Variants in DST observed in about 807,000 individuals in gnomAD.
DST encodes bullous pemphigoid antigen.
A neutral mutation model predicts 875.2 loss-of-function variants in DST; 253 were observed. The observed-to-expected ratio is 0.29, with a 90% CI of 0.26 to 0.32. The LOEUF is 0.32. Among genes scored for constraint, DST ranks in the 10% least tolerant of loss-of-function variants. DST has a pLI of 1.00. For missense variants in DST, 8,287 were observed against 9,111.6 expected, an observed-to-expected ratio of 0.91 and a Z score of 3.68; for synonymous variants, 3,124 against 3,197.1, an observed-to-expected ratio of 0.98 and a Z score of 0.77.
In DST at chr6:56,730,861, A is replaced by G. The variant is rs2099494701; in HGVS notation, c.687+4367T>C. 2.0e-5 allele frequency among the ~76,000 whole-genome samples: 3 copies of G among 152,342 alleles called. No individual in the cohort carries two copies. In the South Asian group the frequency reaches 6.2e-4, roughly 32 times the overall value. On this transcript the variant is annotated intron_variant, in intron 5 of 103. Transcript: ENST00000680361. ...AACAATCAGTTTCAAGGGCAGGCTT[A>G]GTCATACAACTGAACTACCGGAACA... is the stretch of plus-strand genomic sequence containing the variant.
intron 2 of DST, among the ~76,000 whole-genome samples, chr6:56,920,560 A>G (rs1803562535): frequency 6.6e-6 from 1 of 152,168 alleles, no homozygotes. Flanking sequence ...AATTTTTTGG[A>G]TCACGGAGTT....
chr6:56,844,497 T>C (rs1253932699), intron 4 of DST, among the ~76,000 whole-genome samples: 1 of 152,216 alleles, frequency 6.6e-6, no homozygotes, highest in Non-Finnish European at 1.5e-5. Context: ...ATTAGATATA[T>C]GTGTATCATA....
chr6:56,589,255 T>C (rs1314587400), intron 49 of DST, among the ~76,000 whole-genome samples: 1 of 152,210 alleles, frequency 6.6e-6, no homozygotes, highest in Non-Finnish European at 1.5e-5. Context: ...AAGAAGCATG[T>C]CTTCTTCACC....
At chr6:56,630,208 T>C in intron 31 of DST, 37 bp downstream of exon 31, 1 of 1,434,748 alleles carries the variant, frequency 7.0e-7, no homozygotes, top group Non-Finnish European at 9.8e-7. Context: ...ACTTGTAGAA[T>C]ACGATATTTA....
At chr6:56,838,301 C>T (rs1341427186) in intron 4 of DST, among the ~76,000 whole-genome samples, 3 of 152,160 alleles carry the variant, frequency 2.0e-5, no homozygotes, top group African/African-American at 7.2e-5. Context: ...GTTATCACCT[C>T]TATAGCTTCA....
At position 56,851,609 on chromosome 6, in the gene DST, A is replaced by G. The variant is rs1417986162; in HGVS notation, c.418-5T>C. The G allele has an allele frequency of 1.9e-6, 3 of 1,613,282 alleles. No individual in the cohort carries two copies. The highest frequency in any genetic ancestry group is 1.7e-6 in the Non-Finnish European group (2 of 1,179,532). On this transcript the variant is annotated splice_polypyrimidine_tract_variant and splice_region_variant and intron_variant, in intron 3 of 103. Transcript: ENST00000680361. ...ATAGGACGCGTTCCCGGAACTCTAC[A>G]GAGAATGACACAGAAAAAGCATTAA...
Position 56,508,464 on chromosome 6 carries a change from A to G in DST, c.19239+65T>C, listed in dbSNP as rs557042915. The G allele has an allele frequency of 6.9e-6, 9 of 1,310,424 alleles. No individual in the cohort carries two copies. In the South Asian group the frequency reaches 8.6e-5, roughly 13 times the overall value. 81.2% of individuals were successfully genotyped at this position (1,310,424 alleles called of 1,614,324 possible). ...ACAGAGTAACTCCTAACATTTACCC[A>G]AGGAATCTGGATTTCATTATGCCAC... On this transcript the variant is annotated intron_variant, in intron 75 of 103. Coordinates refer to ENST00000680361, the MANE Select transcript of DST (RefSeq NM_001374736.1).
At chr6:56,560,864 T>C (rs1156882861) in intron 57 of DST, among the ~76,000 whole-genome samples, 1 of 152,158 alleles carries the variant, frequency 6.6e-6, no homozygotes, top group Non-Finnish European at 1.5e-5. Context: ...TGTAGAAATC[T>C]TGCCATCACT....
chr6:56,712,075 A>G (rs1197281758), intron 5 of DST, among the ~76,000 whole-genome samples: 2 of 141,016 alleles, frequency 1.4e-5, no homozygotes, highest in Non-Finnish European at 3.1e-5. Flanking sequence ...TGGGCGACAG[A>G]GCGAGACTCC....
At chr6:56,845,984 T>C (rs1374419651) in intron 4 of DST, among the ~76,000 whole-genome samples, 2 of 152,250 alleles carry the variant, frequency 1.3e-5, no homozygotes, top group Non-Finnish European at 2.9e-5. Context: ...GCTTGGACTT[T>C]GGAGTAAAGA....
chr6:56,533,362 A>G (rs2096931268), intron 63 of DST, among the ~76,000 whole-genome samples: 2 of 152,000 alleles, frequency 1.3e-5, no homozygotes, highest in Admixed American at 1.3e-4. Flanking sequence ...ATGAAACACT[A>G]TGCTTCACTG....
chr6:56,817,047 T>C (rs1290246143), intron 4 of DST, among the ~76,000 whole-genome samples: 3 of 151,638 alleles, frequency 2.0e-5, no homozygotes, highest in Non-Finnish European at 4.4e-5. Context: ...TCTTGACCCA[T>C]GGAAATAGTG....
chr6:56,639,841 A>G, intron 19 of DST, 68 bp from the exon 20 acceptor site: 1 of 1,581,448 alleles, frequency 6.3e-7, no homozygotes, highest in Non-Finnish European at 8.7e-7. Flanking sequence ...CACTTAATGT[A>G]TCTATTATTG....
chr6:56,692,555 T>A (rs1164782508), intron 9 of DST: 1 of 1,289,758 alleles, frequency 7.8e-7, no homozygotes, highest in Admixed American at 2.3e-5. Flanking sequence ...GGAAACCCAC[T>A]TTTTTCGAGT....
intron 5 of DST, among the ~76,000 whole-genome samples, chr6:56,709,934 G>A (rs1333988931): frequency 5.3e-5 from 8 of 152,144 alleles, no homozygotes; most frequent in Admixed American, 4.6e-4. Context: ...AGGAAGGAAA[G>A]CAGTGGTGAA....
Position 56,634,177 on chromosome 6 carries a change from A to G in DST, c.3576T>C (p.Tyr1192=), listed in dbSNP as rs2098807111. ...INMKSVVSWH[Y]LINEIDRIRA... Reference sequence around the variant, plus strand: ...GAATTCTATCAATTTCATTGATGAGATAATGCCAGGATACTACACTCTTCA... The same window carrying G: ...GAATTCTATCAATTTCATTGATGAGGTAATGCCAGGATACTACACTCTTCA... The change falls in exon 27 of 104, where the codon TAT becomes TAC. Residue 1192 remains tyrosine, a synonymous_variant. Coordinates refer to ENST00000680361, the MANE Select transcript of DST (RefSeq NM_001374736.1). 1 of 1,613,608 alleles carries G rather than the reference A, an allele frequency of 6.2e-7. No individual in the cohort carries two copies. Among genetic ancestry groups the G allele is most frequent in the Non-Finnish European group, 8.5e-7 (1 of 1,180,014 alleles).
Position 56,501,689 on chromosome 6 carries a change from A to C in DST, c.19571T>G (p.Phe6524Cys), listed in dbSNP as rs1317388738. The change falls in exon 79 of 104, where the codon TTT (phenylalanine) becomes TGT (cysteine). Residue 6524 changes from phenylalanine (F) to cysteine (C), a missense_variant. Coordinates refer to ENST00000680361, the MANE Select transcript of DST (RefSeq NM_001374736.1). ...CTGCTGTTGATAGGCCTCAGACTTA[A>C]ATTGCTATTTTAAAAGAGATATACA... The part of the protein sequence containing the change: ...VKQQIEELKQ[F>C]KSEAYQQQIE... The C allele has an allele frequency of 6.3e-7, 1 of 1,583,404 alleles. No homozygotes were observed. Among genetic ancestry groups the C allele is most frequent in the South Asian group, 1.2e-5 (1 of 84,292 alleles).
intron 4 of DST, among the ~76,000 whole-genome samples, chr6:56,811,040 C>T (rs2099759311): frequency 6.6e-6 from 1 of 151,716 alleles, no homozygotes; most frequent in Admixed American, 6.6e-5. Flanking sequence ...AAAATTTAGC[C>T]AGGCATGGTG....
At chr6:56,624,668 GTTACTC>G (rs1563271347) in intron 35 of DST, 40 bp from the exon 36 acceptor site, 1 of 1,323,698 alleles carries the variant, frequency 7.6e-7, no homozygotes, top group South Asian at 1.2e-5. Flanking sequence ...ATTACCTCCA[GTTACTC>G]TTACTAAGTT....
Sources: gnomAD v4.1 joint callset for allele counts (sites outside exome capture counted in the v4.1 genomes callset) on GRCh38, gnomAD v4.1.1 for gene constraint, MANE v1.5 for transcripts, NCBI Gene and HGNC (gene_info 2026-07-23, HGNC 2026-07-21) for gene names.